TMEM45A: variants seen among roughly 807,000 people sequenced by gnomAD.
The protein encoded by TMEM45A is transmembrane protein 45A, also known as DNA polymerase-transactivated protein 4.
In TMEM45A, 25 loss-of-function variants were observed where a neutral mutation model predicts 32.0. That is an observed-to-expected ratio of 0.78 (90% confidence interval 0.57 to 1.09). The LOEUF is 1.09. Among genes scored for constraint, TMEM45A ranks in the 50% least tolerant of loss-of-function variants. The pLI, the probability that TMEM45A is intolerant of heterozygous loss-of-function variation, is 0.00. For synonymous variants in TMEM45A, 122 were observed against 114.8 expected (o/e 1.06, Z -0.40); for missense variants, 302 against 325.0 (o/e 0.93, Z 0.54).
In TMEM45A at chr3:100,514,693, T is replaced by C. The variant is rs543709780; in HGVS notation, c.-4+21765T>C. Among the ~76,000 whole-genome samples, 830 of 152,070 alleles carry C rather than the reference T, an allele frequency of 5.5e-3. 9 individuals carry two copies. The highest frequency in any genetic ancestry group is 0.019 in the African/African-American group (797 of 41,436). ...CTACCATCAGAGTGAACAGGCAACC[T>C]ACAAAATGGGAGAAAATGTTCGCAA... On this transcript the variant is annotated intron_variant, in intron 1 of 5. Transcript: ENST00000323523.
chr3:100,537,224 GA>G (rs1171788526), intron 1 of TMEM45A, among the ~76,000 whole-genome samples: 2 of 152,082 alleles, frequency 1.3e-5, no homozygotes, highest in Non-Finnish European at 2.9e-5. Context: ...TGCCTGGCCA[GA>G]ATAGGTTTTT....
At chr3:100,533,226 T>C (rs142741638) in intron 1 of TMEM45A, among the ~76,000 whole-genome samples, 108 of 151,998 alleles carry the variant, frequency 7.1e-4, no homozygotes, top group African/African-American at 2.4e-3. Context: ...ACTAGAATAA[T>C]CTGGAGATCT....
chr3:100,540,979 C>T (rs963501791), intron 1 of TMEM45A, among the ~76,000 whole-genome samples: 1 of 152,154 alleles, frequency 6.6e-6, no homozygotes, highest in African/African-American at 2.4e-5. Context: ...CAAAGCCTTG[C>T]CAGCATCTGT....
chr3:100,566,456 A>G (rs1706441156), intron 4 of TMEM45A, among the ~76,000 whole-genome samples: 1 of 152,206 alleles, frequency 6.6e-6, no homozygotes, highest in African/African-American at 2.4e-5. Flanking sequence ...AATATCATGG[A>G]TACTCCTACA....
intron 1 of TMEM45A, among the ~76,000 whole-genome samples, chr3:100,526,758 C>A (rs527629859): frequency 6.6e-6 from 1 of 152,206 alleles, no homozygotes; most frequent in Non-Finnish European, 1.5e-5. Context: ...TTGCAACAGA[C>A]TGGTCACAAC....
chr3:100,538,861 C>A (rs1203166869), intron 1 of TMEM45A, among the ~76,000 whole-genome samples: 1 of 151,184 alleles, frequency 6.6e-6, no homozygotes, highest in Non-Finnish European at 1.5e-5. Context: ...ACATTAGCAC[C>A]GAAAAGGAAA....
intron 1 of TMEM45A, among the ~76,000 whole-genome samples, chr3:100,516,651 C>A (rs183482263): frequency 6.6e-6 from 1 of 152,256 alleles, no homozygotes; most frequent in East Asian, 1.9e-4. Context: ...CTCATTGACA[C>A]AGAAATTGTA....
intron 1 of TMEM45A, among the ~76,000 whole-genome samples, chr3:100,512,239 G>A (rs1708177814): frequency 6.6e-6 from 1 of 152,114 alleles, no homozygotes; most frequent in African/African-American, 2.4e-5. Context: ...GCACTCCTCA[G>A]CAAATGTAAA....
At chr3:100,556,626 G>A (rs1316154451) in intron 2 of TMEM45A, 134 bp from the exon 3 acceptor site, 1 of 851,324 alleles carries the variant, frequency 1.2e-6, no homozygotes. Flanking sequence ...TCAGCTGTTA[G>A]GGAACAGCTC....
chr3:100,511,700 C>T (rs1174537214), intron 1 of TMEM45A, among the ~76,000 whole-genome samples: 1 of 150,528 alleles, frequency 6.6e-6, no homozygotes, highest in African/African-American at 2.4e-5. Flanking sequence ...AGAGTCAAGA[C>T]CCATCAGTGT....
chr3:100,522,294 T>C (rs1421059661), intron 1 of TMEM45A, among the ~76,000 whole-genome samples: 1 of 152,190 alleles, frequency 6.6e-6, no homozygotes. Flanking sequence ...GTGTGGGAGA[T>C]GCAGTATCAG....
intron 1 of TMEM45A, among the ~76,000 whole-genome samples, chr3:100,548,049 A>G (rs1395714119): frequency 6.6e-6 from 1 of 152,194 alleles, no homozygotes; most frequent in Non-Finnish European, 1.5e-5. Flanking sequence ...AGGGGTTGGT[A>G]GTGGGAACAA....
intron 1 of TMEM45A, among the ~76,000 whole-genome samples, chr3:100,543,673 T>C (rs1410123260): frequency 6.6e-6 from 1 of 152,206 alleles, no homozygotes; most frequent in South Asian, 2.1e-4. Flanking sequence ...TTTTTACCCT[T>C]GGGGGAGCAG....
chr3:100,557,556 G>GT (rs5851211), intron 3 of TMEM45A, among the ~76,000 whole-genome samples: 24 of 150,140 alleles, frequency 1.6e-4, no homozygotes, highest in South Asian at 8.4e-4. Context: ...GCATTTAATG[G>GT]TTTTTTTTTT....
chr3:100,541,633 G>T (rs1008387547), intron 1 of TMEM45A, among the ~76,000 whole-genome samples: 1 of 148,912 alleles, frequency 6.7e-6, no homozygotes, highest in Admixed American at 6.8e-5. Flanking sequence ...GGGATGAGGT[G>T]ATCCTCCCAC....
At chr3:100,503,530 C>A (rs1210309440) in intron 1 of TMEM45A, among the ~76,000 whole-genome samples, 1 of 152,192 alleles carries the variant, frequency 6.6e-6, no homozygotes, top group Non-Finnish European at 1.5e-5. Context: ...GCCTCATTTT[C>A]CTCAACAGAA....
At chr3:100,513,427 C>T (rs1237353190) in intron 1 of TMEM45A, among the ~76,000 whole-genome samples, 57 of 145,250 alleles carry the variant, frequency 3.9e-4, no homozygotes, top group Non-Finnish European at 6.2e-4. Context: ...ATTCAACAAC[C>T]CTTCATGCTA....
intron 5 of TMEM45A, among the ~76,000 whole-genome samples, chr3:100,569,540 C>G (rs577978315): frequency 7.9e-4 from 120 of 152,292 alleles, no homozygotes; most frequent in African/African-American, 2.8e-3. Context: ...TTTAGCTGCA[C>G]TATTTATCAG....
chr3:100,529,602 G>A (rs530026082), intron 1 of TMEM45A, among the ~76,000 whole-genome samples: 1 of 152,194 alleles, frequency 6.6e-6, no homozygotes, highest in Admixed American at 6.5e-5. Context: ...CAAAACCTCA[G>A]ATTTCTCAGG....
Sources: allele counts gnomAD v4.1 joint callset (sites outside exome capture counted in the v4.1 genomes callset), GRCh38; gene constraint gnomAD v4.1.1; transcripts MANE v1.5; gene names NCBI Gene and HGNC (gene_info 2026-07-23, HGNC 2026-07-21).